The following SAMM50 variants were observed in gnomAD, a reference collection of about 807,000 sequenced individuals.
SAMM50 encodes sorting and assembly machinery component 50 homolog.
A neutral mutation model predicts 66.9 loss-of-function variants in SAMM50; 47 were observed. The observed-to-expected ratio is 0.70, with a 90% CI of 0.56 to 0.90. The LOEUF (loss-of-function observed/expected upper bound fraction) is 0.90. Among genes scored for constraint, SAMM50 ranks in the 40% least tolerant of loss-of-function variants. The probability of loss-of-function intolerance (pLI) is 0.00; values close to 1 mark genes in which losing one functional copy is unlikely to be tolerated. For missense variants in SAMM50, 535 were observed against 595.3 expected, an observed-to-expected ratio of 0.90 and a Z score of 1.05; for synonymous variants, 191 against 214.1, an observed-to-expected ratio of 0.89 and a Z score of 0.94.
At chr22:43,973,168 T>C in intron 6 of SAMM50, 68 bp from the exon 7 acceptor site, 1 of 1,319,874 alleles carries the variant, frequency 7.6e-7, no homozygotes, top group East Asian at 2.3e-5. Context: ...GTTAAGTCTG[T>C]TGATTTAAAT....
At chr22:43,995,877 C>A (rs541370919) in intron 14 of SAMM50, among the ~76,000 whole-genome samples, 1 of 152,172 alleles carries the variant, frequency 6.6e-6, no homozygotes, top group African/African-American at 2.4e-5. Flanking sequence ...TCAGGCTAAA[C>A]CCCTGTAGGG....
At chr22:43,959,557 CAG>C (rs2050138290) in intron 1 of SAMM50, among the ~76,000 whole-genome samples, 1 of 134,632 alleles carries the variant, frequency 7.4e-6, no homozygotes, top group South Asian at 2.4e-4. Flanking sequence ...TTAATAGAAA[CAG>C]GGTCTCACTA....
intron 12 of SAMM50, chr22:43,986,292 G>A (rs976570253): frequency 6.6e-6 from 1 of 151,760 alleles, no homozygotes; most frequent in African/African-American, 2.4e-5. Flanking sequence ...TGCCCGCCTT[G>A]GCCTCCCAAA....
chr22:43,975,994 G>A (rs2050229289), intron 7 of SAMM50, 61 bp from the exon 8 acceptor site: 1 of 1,525,768 alleles, frequency 6.6e-7, no homozygotes, highest in Non-Finnish European at 8.9e-7. Flanking sequence ...TCCAAAAAAT[G>A]ATTTGCAACA....
rs779615118 is a variant in SAMM50 at position 43,973,014 on chromosome 22, A to G, written c.560+13A>G. On this transcript the variant is annotated intron_variant, in intron 6 of 14. Coordinates refer to ENST00000350028, the MANE Select transcript of SAMM50 (RefSeq NM_015380.5). The stretch of plus-strand genomic sequence containing the variant: ...ACTTCGAAAGAAAGTAGGAAGCCCA[A>G]CAGATCATTGAGTACACTGGCCTGA... The G allele has an allele frequency of 1.9e-6, 3 of 1,587,028 alleles. No homozygotes were observed. The highest frequency in any genetic ancestry group is 2.3e-5 in the South Asian group (2 of 85,172).
At chr22:43,964,405 CTGT>C (rs777543546) in intron 2 of SAMM50, 44 bp from the exon 3 acceptor site, 2 of 937,330 alleles carry the variant, frequency 2.1e-6, no homozygotes, top group Admixed American at 3.9e-5. Flanking sequence ...GACACCTAAT[CTGT>C]TTGCCTCATG....
chr22:43,965,587 G>A (rs1370065366), intron 3 of SAMM50, among the ~76,000 whole-genome samples: 5 of 152,098 alleles, frequency 3.3e-5, no homozygotes. Flanking sequence ...GTACAGAAGG[G>A]TATTGAAATG....
In SAMM50 at chr22:43,963,338, AAGC is replaced by A. The variant is rs1305629758; in HGVS notation, c.75_77del (p.Glu25_Ala26delinsAsp). ...CCTGATTTTGGAGGATTAGGAGAAG[AAGC>A]TGAATTTGTTGAAGTTGAGCCTGAA... is the stretch of plus-strand genomic sequence containing the variant. On this transcript the variant is annotated inframe_deletion, in exon 2 of 15. Transcript: ENST00000350028. 3.1e-6 allele frequency: 5 copies of A among 1,613,346 alleles called. No homozygotes were observed. Among genetic ancestry groups the A allele is most frequent in the East Asian group, 4.5e-5 (2 of 44,846 alleles).
intron 1 of SAMM50, among the ~76,000 whole-genome samples, chr22:43,959,945 G>A (rs1488370523): frequency 6.6e-6 from 1 of 152,128 alleles, no homozygotes; most frequent in Non-Finnish European, 1.5e-5. Flanking sequence ...GGTATAAGAG[G>A]TTGTAACTGT....
intron 4 of SAMM50, among the ~76,000 whole-genome samples, chr22:43,969,110 T>A (rs560978502): frequency 2.8e-4 from 42 of 152,272 alleles, no homozygotes; most frequent in African/African-American, 9.9e-4. Flanking sequence ...GTTGCGGGCC[T>A]GGATTTTTGT....
Position 43,973,009 on chromosome 22 carries a change from G to T in SAMM50, c.560+8G>T, listed in dbSNP as rs1483873676. On this transcript the variant is annotated splice_region_variant and intron_variant, in intron 6 of 14. Coordinates refer to ENST00000350028, the MANE Select transcript of SAMM50 (RefSeq NM_015380.5). ...CGGAAACTTCGAAAGAAAGTAGGAA[G>T]CCCAACAGATCATTGAGTACACTGG... 15 of 1,587,646 alleles carry T rather than the reference G, an allele frequency of 9.4e-6. No individual in the cohort carries two copies. The East Asian group carries it at 3.1e-4, about 33-fold the overall frequency.
rs545515109 is a variant in SAMM50 at position 43,985,048 on chromosome 22, A to G, written c.1075+1048A>G. Among the ~76,000 whole-genome samples the G allele has an allele frequency of 1.4e-4, 22 of 152,184 alleles. 1 individual carries two copies. Among genetic ancestry groups the G allele is most frequent in the African/African-American group, 4.8e-4 (20 of 41,422 alleles). On this transcript the variant is annotated intron_variant, in intron 12 of 14. Transcript: ENST00000350028. ...ACATATTTCATATTATTGACATCCT[A>G]TATTTTAGTTAATAGGCTTAATTTG...
intron 14 of SAMM50, among the ~76,000 whole-genome samples, chr22:43,991,690 C>T (rs1016588845): frequency 1.1e-4 from 17 of 152,372 alleles, no homozygotes; most frequent in African/African-American, 3.8e-4. Context: ...GATGTTCATA[C>T]TCTGCCAGTT....
rs182331873 is a variant in SAMM50 at position 43,955,473 on chromosome 22, G to C, written c.-105G>C. Reference sequence around the variant, plus strand: ...CCGCGTCCGGGGGTTTGTGGGAGTTGCCTTGACCTGCAGCTCCGCCACCGC... The same window carrying C: ...CCGCGTCCGGGGGTTTGTGGGAGTTCCCTTGACCTGCAGCTCCGCCACCGC... On this transcript the variant is annotated 5_prime_UTR_variant, in exon 1 of 15. Coordinates refer to ENST00000350028, the MANE Select transcript of SAMM50 (RefSeq NM_015380.5). 2.1e-5 allele frequency: 29 copies of C among 1,354,612 alleles called. No homozygotes were observed. Among genetic ancestry groups the C allele is most frequent in the Non-Finnish European group, 2.7e-5 (26 of 973,920 alleles). The allele number at this position is 1,354,612 out of a possible 1,614,324, so 83.9% of individuals were successfully genotyped here.
intron 12 of SAMM50, 69 bp from the exon 13 acceptor site, chr22:43,989,041 GT>G (rs1396415847): frequency 6.6e-7 from 1 of 1,515,260 alleles, no homozygotes; most frequent in Non-Finnish European, 9.0e-7. Flanking sequence ...GCTTCTGTAA[GT>G]TGTGGAAAGT....
chr22:43,961,328 C>G (rs1233096303), intron 1 of SAMM50, among the ~76,000 whole-genome samples: 1 of 152,160 alleles, frequency 6.6e-6, no homozygotes, highest in Non-Finnish European at 1.5e-5. Flanking sequence ...GACTGGGAAT[C>G]CTCGTGTGGT....
chr22:43,972,080 G>A (rs2050206440), intron 4 of SAMM50, among the ~76,000 whole-genome samples, 156 bp from the exon 5 acceptor site: 1 of 152,024 alleles, frequency 6.6e-6, no homozygotes, highest in African/African-American at 2.4e-5. Context: ...ATTTTGTGTG[G>A]GAGTGTTCTT....
chr22:43,976,678 G>T lies in SAMM50; in HGVS notation c.778-72G>T, dbSNP rs376087450. ...AGAGTGCTAGCGTGGTGTGGCCCAC[G>T]TGCTGTGAGTGCTCATGGTTATCTA... On this transcript the variant is annotated intron_variant, in intron 8 of 14. Transcript: ENST00000350028. 85 of 1,111,166 alleles carry T rather than the reference G, an allele frequency of 7.6e-5. No homozygotes were observed. The African/African-American group carries it at 1.2e-3, about 16-fold the overall frequency. The allele number at this position is 1,111,166 out of a possible 1,614,324, so 68.8% of individuals were successfully genotyped here.
chr22:43,966,278 A>C (rs781511421), intron 3 of SAMM50, among the ~76,000 whole-genome samples: 2 of 151,954 alleles, frequency 1.3e-5, no homozygotes, highest in Non-Finnish European at 2.9e-5. Flanking sequence ...TGGAAGTGGG[A>C]TTCCTGGGTC....
Sources: allele counts gnomAD v4.1 joint callset (sites outside exome capture counted in the v4.1 genomes callset), GRCh38; gene constraint gnomAD v4.1.1; transcripts MANE v1.5; gene names NCBI Gene and HGNC (gene_info 2026-07-23, HGNC 2026-07-21).